GRIA4: variants seen among roughly 807,000 people sequenced by gnomAD.
The protein encoded by GRIA4 is glutamate receptor 4.
In GRIA4, 34 loss-of-function variants were observed where a neutral mutation model predicts 104.0. The observed-to-expected ratio is 0.33, with a 90% CI of 0.25 to 0.44. The LOEUF is 0.44. Ranked by LOEUF, GRIA4 falls within the 20% of genes least tolerant of loss-of-function variation. The pLI, the probability that GRIA4 is intolerant of heterozygous loss-of-function variation, is 1.00. For synonymous variants in GRIA4, 386 were observed against 381.9 expected, an observed-to-expected ratio of 1.01 and a Z score of -0.13; for missense variants, 750 against 1,096.5, an observed-to-expected ratio of 0.68 and a Z score of 4.46.
At chr11:105,826,301 C>T (rs1943769357) in intron 4 of GRIA4, among the ~76,000 whole-genome samples, 1 of 152,008 alleles carries the variant, frequency 6.6e-6, no homozygotes, top group Non-Finnish European at 1.5e-5. Flanking sequence ...GACTTGTAGA[C>T]TTCTTTGGGT....
intron 3 of GRIA4, among the ~76,000 whole-genome samples, chr11:105,717,541 T>C (rs1225853525): frequency 6.6e-6 from 1 of 152,156 alleles, no homozygotes; most frequent in South Asian, 2.1e-4. Flanking sequence ...GTTTTTTTTT[T>C]CTTGGAAGGG....
intron 11 of GRIA4, 24 bp downstream of exon 11, chr11:105,918,942 A>T (rs372112509): frequency 5.8e-5 from 80 of 1,377,710 alleles, no homozygotes; most frequent in Non-Finnish European, 8.1e-5. Flanking sequence ...CTTATTGAAG[A>T]ATTTACTTAC....
At chr11:105,794,503 A>G (rs1317034129) in intron 4 of GRIA4, among the ~76,000 whole-genome samples, 5 of 123,254 alleles carry the variant, frequency 4.1e-5, no homozygotes, top group Non-Finnish European at 8.5e-5. Flanking sequence ...ATATATATAT[A>G]TATATATATA....
chr11:105,723,161 A>G (rs938084577), intron 3 of GRIA4, among the ~76,000 whole-genome samples: 3 of 77,546 alleles, frequency 3.9e-5, no homozygotes, highest in Middle Eastern at 7.1e-3. Context: ...GCAGTGAGCA[A>G]TCAATGAGAA....
At chr11:105,870,938 G>A (rs1371214266) in intron 5 of GRIA4, among the ~76,000 whole-genome samples, 1 of 152,012 alleles carries the variant, frequency 6.6e-6, no homozygotes, top group Non-Finnish European at 1.5e-5. Flanking sequence ...ACTAAGGAGT[G>A]TAGCAAATAA....
At chr11:105,628,539 C>T (rs1490888399) in intron 3 of GRIA4, among the ~76,000 whole-genome samples, 3 of 152,048 alleles carry the variant, frequency 2.0e-5, no homozygotes, top group Non-Finnish European at 2.9e-5. Flanking sequence ...TCTCTTTGCT[C>T]GGCACTTCTC....
In GRIA4 at chr11:105,979,643, C is replaced by G; in HGVS notation, c.2613C>G (p.Gly871=). 1.9e-6 allele frequency: 3 copies of G among 1,613,456 alleles called. No homozygotes were observed. Among genetic ancestry groups the G allele is most frequent in the Non-Finnish European group, 2.5e-6 (3 of 1,179,382 alleles). Residue 871 remains glycine, a synonymous_variant, in exon 17 of 17, where the codon GGC becomes GGG. Coordinates refer to ENST00000282499, the MANE Select transcript of GRIA4 (RefSeq NM_000829.4). ...TCACTGGGAGTGTGGGAGAGAATGG[C>G]CGCGTCTTGACGCCTGACTGCCCAA... ...LSITGSVGEN[G]RVLTPDCPKA...
chr11:105,724,099 T>C (rs1396378228), intron 3 of GRIA4, among the ~76,000 whole-genome samples: 1 of 152,022 alleles, frequency 6.6e-6, no homozygotes, highest in Non-Finnish European at 1.5e-5. Flanking sequence ...TAGAGAACAG[T>C]ATGGAGATTC....
intron 4 of GRIA4, among the ~76,000 whole-genome samples, chr11:105,785,858 C>T (rs2135787033): frequency 6.6e-6 from 1 of 152,070 alleles, no homozygotes; most frequent in South Asian, 2.1e-4. Flanking sequence ...GAAATATCTG[C>T]TATTAGGCTG....
chr11:105,863,451 G>A (rs1252980541), intron 5 of GRIA4, among the ~76,000 whole-genome samples: 1 of 151,646 alleles, frequency 6.6e-6, no homozygotes, highest in Non-Finnish European at 1.5e-5. Context: ...TTAATTAAAA[G>A]CCTATACATT....
chr11:105,708,707 T>C (rs1238090436), intron 3 of GRIA4, among the ~76,000 whole-genome samples: 1 of 151,962 alleles, frequency 6.6e-6, no homozygotes, highest in African/African-American at 2.4e-5. Context: ...GTAAAAATAT[T>C]ATGGATGATA....
At chr11:105,909,823 A>T (rs1053965438) in intron 9 of GRIA4, among the ~76,000 whole-genome samples, 2 of 152,172 alleles carry the variant, frequency 1.3e-5, no homozygotes, top group Non-Finnish European at 2.9e-5. Flanking sequence ...AAAAAATTTT[A>T]AATGAAAAAC....
chr11:105,686,290 G>T (rs1459220942), intron 3 of GRIA4, among the ~76,000 whole-genome samples: 3 of 152,012 alleles, frequency 2.0e-5, no homozygotes, highest in Admixed American at 2.0e-4. Flanking sequence ...AGTACCCAAG[G>T]TTTAGCTCCT....
rs1158226074 is a variant in GRIA4 at position 105,668,670 on chromosome 11, C to CTTT, written c.247+56238_247+56240dup. The stretch of plus-strand genomic sequence containing the variant: ...CTACATCCTTGACAACACTTATTAT[C>CTTT]TTTTGTCTTTTTTTTTTTTTTTGAG... On this transcript the variant is annotated intron_variant, in intron 3 of 16. Coordinates refer to ENST00000282499, the MANE Select transcript of GRIA4 (RefSeq NM_000829.4). Among the ~76,000 whole-genome samples, 385 of 69,570 alleles carry CTTT rather than the reference C, an allele frequency of 5.5e-3. 2 individuals are homozygous for CTTT. The highest frequency in any genetic ancestry group is 0.013 in the Admixed American group (60 of 4,590). 45.6% of individuals were successfully genotyped at this position (69,570 alleles called of 152,430 possible). A position where few individuals can be genotyped will look rare whatever the true frequency, so the allele number is the denominator to read the frequency against.
intron 10 of GRIA4, 121 bp downstream of exon 10, chr11:105,910,666 T>C: frequency 3.3e-6 from 2 of 605,384 alleles, no homozygotes; most frequent in South Asian, 4.1e-5. Context: ...GGTGTTCTGA[T>C]CCACAAAATC....
At chr11:105,748,436 G>A (rs1245425230) in intron 3 of GRIA4, among the ~76,000 whole-genome samples, 1 of 151,754 alleles carries the variant, frequency 6.6e-6, no homozygotes, top group African/African-American at 2.4e-5. Flanking sequence ...CTGGAGTGCA[G>A]TGGCCCGATC....
At chr11:105,924,840 T>G in intron 12 of GRIA4, 71 bp downstream of exon 12, 1 of 1,152,324 alleles carries the variant, frequency 8.7e-7, no homozygotes, top group Non-Finnish European at 1.2e-6. Context: ...ATTATCTCTC[T>G]ACATGTTCTT....
intron 4 of GRIA4, among the ~76,000 whole-genome samples, chr11:105,847,248 T>C (rs761897721): frequency 6.6e-6 from 1 of 152,144 alleles, no homozygotes; most frequent in Admixed American, 6.6e-5. Context: ...ACAATAGGGT[T>C]CATGCTCCTA....
rs763174108 is a variant in GRIA4, at chr11:105,905,246, G to A, written c.1103G>A (p.Arg368His). The A allele has an allele frequency of 2.5e-6, 4 of 1,610,528 alleles. No homozygotes were observed. The highest frequency in any genetic ancestry group is 1.7e-4 in the Middle Eastern group (1 of 6,052). The change falls in exon 9 of 17, where the codon CGT becomes CAT. Residue 368 changes from arginine (R) to histidine (H), a missense_variant. By Grantham distance (29) the Arg-to-His change is conservative. Transcript: ENST00000282499. Reference sequence around the variant, plus strand: ...AATGTTCAGTTTGACCACTATGGACGTAGAGTCAATTACACAATGGATGTG... The same window carrying A: ...AATGTTCAGTTTGACCACTATGGACATAGAGTCAATTACACAATGGATGTG... ...TGNVQFDHYG[R>H]RVNYTMDVFE...
Sources: allele counts gnomAD v4.1 joint callset (sites outside exome capture counted in the v4.1 genomes callset), GRCh38; gene constraint gnomAD v4.1.1; transcripts MANE v1.5; gene names NCBI Gene and HGNC (gene_info 2026-07-23, HGNC 2026-07-21).